KCNK10: variants seen among roughly 807,000 people sequenced by gnomAD.
KCNK10 encodes potassium channel subfamily K member 10.
In KCNK10, 25 loss-of-function variants were observed where a neutral mutation model predicts 47.7. The ratio of observed to expected loss-of-function variants is 0.52; its 90% confidence interval spans 0.38 to 0.73. The LOEUF is 0.73. Among genes scored for constraint, KCNK10 ranks in the 30% least tolerant of loss-of-function variants. The probability of loss-of-function intolerance (pLI) is 0.00; values close to 1 mark genes in which losing one functional copy is unlikely to be tolerated. For synonymous variants in KCNK10, 303 were observed against 285.6 expected (o/e 1.06, Z -0.61); for missense variants, 563 against 714.5 (o/e 0.79, Z 2.42).
intron 4 of KCNK10, among the ~76,000 whole-genome samples, chr14:88,195,453 G>A (rs550190231): frequency 9.2e-4 from 140 of 152,298 alleles, no homozygotes; most frequent in African/African-American, 3.2e-3. Flanking sequence ...GACAGTCCCA[G>A]ATTTAATGCT....
At chr14:88,259,315 G>T (rs566067761) in intron 2 of KCNK10, among the ~76,000 whole-genome samples, 27 of 152,312 alleles carry the variant, frequency 1.8e-4, no homozygotes, top group Admixed American at 5.2e-4. Context: ...AACTTATATT[G>T]TGAGAAAGAC....
chr14:88,273,936 G>T (rs1887467581), intron 1 of KCNK10, among the ~76,000 whole-genome samples: 2 of 152,058 alleles, frequency 1.3e-5, no homozygotes, highest in Admixed American at 1.3e-4. Context: ...TTTCCCTGGG[G>T]CCAAGGGTTT....
At chr14:88,282,674 C>T (rs1357688268) in intron 1 of KCNK10, among the ~76,000 whole-genome samples, 1 of 152,192 alleles carries the variant, frequency 6.6e-6, no homozygotes, top group Non-Finnish European at 1.5e-5. Context: ...CTGTCTCAAA[C>T]TAGCTACTTT....
At chr14:88,269,294 A>C (rs1027495835) in intron 1 of KCNK10, among the ~76,000 whole-genome samples, 1 of 152,230 alleles carries the variant, frequency 6.6e-6, no homozygotes, top group Admixed American at 6.5e-5. Context: ...TGCACCATCC[A>C]TTCATTCGTT....
chr14:88,278,818 G>A (rs1267837221), intron 1 of KCNK10, among the ~76,000 whole-genome samples: 1 of 152,182 alleles, frequency 6.6e-6, no homozygotes, highest in African/African-American at 2.4e-5. Flanking sequence ...GAGAAACAAA[G>A]GCATAAAAAC....
intron 2 of KCNK10, among the ~76,000 whole-genome samples, chr14:88,255,746 C>T (rs1181225736): frequency 3.3e-5 from 5 of 151,428 alleles, no homozygotes; most frequent in Admixed American, 2.0e-4. Flanking sequence ...CCCCCAGAAA[C>T]GTTCTGAGGA....
chr14:88,212,920 G>C (rs1885507941), intron 4 of KCNK10, among the ~76,000 whole-genome samples: 1 of 152,218 alleles, frequency 6.6e-6, no homozygotes, highest in Non-Finnish European at 1.5e-5. Flanking sequence ...AGCCATCAGA[G>C]CCTGCTCAGC....
intron 1 of KCNK10, among the ~76,000 whole-genome samples, chr14:88,274,902 G>A (rs1295680355): frequency 1.3e-5 from 2 of 151,836 alleles, no homozygotes; most frequent in African/African-American, 4.9e-5. Flanking sequence ...GAAGTGTGAG[G>A]CCAGTGAGGC....
At chr14:88,188,227 G>A (rs1884636312) in intron 5 of KCNK10, 118 bp from the exon 6 acceptor site, 1 of 1,263,332 alleles carries the variant, frequency 7.9e-7, no homozygotes, top group Admixed American at 1.8e-5. Context: ...TCAGCTGTTA[G>A]GTTTGCTGTG....
At chr14:88,269,439 T>G (rs1424735468) in intron 1 of KCNK10, among the ~76,000 whole-genome samples, 1 of 152,146 alleles carries the variant, frequency 6.6e-6, no homozygotes, top group Non-Finnish European at 1.5e-5. Flanking sequence ...CTGTTTTTGT[T>G]TTGCTTTGTT....
In KCNK10 at chr14:88,227,272, C is replaced by A. The variant is rs114570362; in HGVS notation, c.681+103G>T. 1,502 of 921,798 alleles carry A rather than the reference C, an allele frequency of 1.6e-3. 18 individuals are homozygous for A. The African/African-American group carries it at 0.023, about 14-fold the overall frequency. The allele number at this position is 921,798 out of a possible 1,614,324, so 57.1% of individuals were successfully genotyped here. ...ATACAATCATAACATTAAAATTATT[C>A]CATTAAAAGCAGACAATGCCCCTGA... On this transcript the variant is annotated intron_variant, in intron 4 of 6. Transcript: ENST00000319231.
chr14:88,252,019 T>A (rs17124375), intron 2 of KCNK10, among the ~76,000 whole-genome samples: 1 of 152,226 alleles, frequency 6.6e-6, no homozygotes. Context: ...ATAACATGCA[T>A]AAGGTTTGGC....
intron 2 of KCNK10, among the ~76,000 whole-genome samples, chr14:88,246,317 G>A (rs1002276270): frequency 1.3e-5 from 2 of 151,420 alleles, no homozygotes; most frequent in Admixed American, 6.6e-5. Flanking sequence ...TAGCAGTTGG[G>A]AGGAAAGCCA....
intron 1 of KCNK10, among the ~76,000 whole-genome samples, chr14:88,320,691 C>T (rs2139808435): frequency 6.6e-6 from 1 of 152,326 alleles, no homozygotes; most frequent in Non-Finnish European, 1.5e-5. Context: ...CTACAGCTCT[C>T]TACTCCGTCC....
At chr14:88,255,234 T>C (rs1170630528) in intron 2 of KCNK10, among the ~76,000 whole-genome samples, 3 of 152,154 alleles carry the variant, frequency 2.0e-5, no homozygotes, top group Non-Finnish European at 2.9e-5. Context: ...ATACTCACCA[T>C]TGATGCAAGT....
chr14:88,326,577 A>G (rs1595138943), upstream of KCNK10: 6 of 749,058 alleles, frequency 8.0e-6, no homozygotes, highest in Non-Finnish European at 1.4e-5. Context: ...TGCGGCAGGA[A>G]AACAAAACAT....
At chr14:88,298,428 A>C (rs1477002764) in intron 1 of KCNK10, among the ~76,000 whole-genome samples, 1 of 152,186 alleles carries the variant, frequency 6.6e-6, no homozygotes, top group Non-Finnish European at 1.5e-5. Flanking sequence ...ACCTACTGGA[A>C]CTGCGATCAT....
intron 1 of KCNK10, among the ~76,000 whole-genome samples, chr14:88,307,432 T>G (rs779405794): frequency 2.0e-5 from 3 of 151,760 alleles, no homozygotes; most frequent in African/African-American, 7.3e-5. Flanking sequence ...AGAAAGTAAA[T>G]TCATGCTTGC....
chr14:88,272,774 G>T (rs1411939235), intron 1 of KCNK10, among the ~76,000 whole-genome samples: 1 of 152,088 alleles, frequency 6.6e-6, no homozygotes, highest in Non-Finnish European at 1.5e-5. Flanking sequence ...TCTGTGGGGG[G>T]TGTGGGTAGG....
Sources: gnomAD v4.1 joint callset for allele counts (sites outside exome capture counted in the v4.1 genomes callset) on GRCh38, gnomAD v4.1.1 for gene constraint, MANE v1.5 for transcripts, NCBI Gene and HGNC (gene_info 2026-07-23, HGNC 2026-07-21) for gene names.